Variants in GABPA observed in about 807,000 individuals in gnomAD.
The protein encoded by GABPA is GA binding protein transcription factor subunit alpha.
GABPA carries 4 observed loss-of-function variants against 59.4 expected under a neutral mutation model. The observed-to-expected ratio is 0.07, with a 90% CI of 0.03 to 0.15. The LOEUF (loss-of-function observed/expected upper bound fraction) is 0.15. GABPA is among the 10% of genes least tolerant of loss of function. The pLI, the probability that GABPA is intolerant of heterozygous loss-of-function variation, is 1.00. For synonymous variants in GABPA, 164 were observed against 183.1 expected, an observed-to-expected ratio of 0.90 and a Z score of 0.84; for missense variants, 251 against 543.8, an observed-to-expected ratio of 0.46 and a Z score of 5.36.
chr21:25,735,242 G>T lies in GABPA; in HGVS notation c.-363G>T. On this transcript the variant is annotated 5_prime_UTR_variant, in exon 1 of 10. Coordinates refer to ENST00000400075, the MANE Select transcript of GABPA (RefSeq NM_002040.4). ...CAGCGTCCTGTTCGTTAGGGTTATC[G>T]AAGTGTATAAAGGTGCAGGGAAAGT... is the stretch of plus-strand genomic sequence containing the variant. 1 of 568,950 alleles carries T rather than the reference G, an allele frequency of 1.8e-6. No homozygotes were observed. The highest frequency in any genetic ancestry group is 3.2e-6 in the Non-Finnish European group (1 of 315,546). The allele number at this position is 568,950 out of a possible 1,614,324, so 35.2% of individuals were successfully genotyped here. A position where few individuals can be genotyped will look rare whatever the true frequency, so the allele number is the denominator to read the frequency against.
rs952512745 is a variant in GABPA, at chr21:25,772,357, T to C, written c.*3125T>C. 5 of 152,138 alleles carry C rather than the reference T, an allele frequency of 3.3e-5. No homozygotes were observed. Among genetic ancestry groups the C allele is most frequent in the African/African-American group, 1.2e-4 (5 of 41,458 alleles). The allele number at this position is 152,138 out of a possible 1,614,324, so 9.4% of individuals were successfully genotyped here. On this transcript the variant is annotated 3_prime_UTR_variant, in exon 10 of 10. Transcript: ENST00000400075. ...ATTTCTTTGTGGTTTTAATTTTTTT[T>C]GTAATTTTACATAAAACAGTTATTT...
At chr21:25,763,631 T>TAC (rs2035818255) in intron 7 of GABPA, among the ~76,000 whole-genome samples, 1 of 152,226 alleles carries the variant, frequency 6.6e-6, no homozygotes, top group South Asian at 2.1e-4. Context: ...TGTAAAATAA[T>TAC]ACATTGTACA....
At chr21:25,742,552 A>G (rs1204196383) in intron 2 of GABPA, among the ~76,000 whole-genome samples, 1 of 152,192 alleles carries the variant, frequency 6.6e-6, no homozygotes, top group Non-Finnish European at 1.5e-5. Context: ...GAGGGAATGC[A>G]TGCTTCTGTG....
intron 3 of GABPA, among the ~76,000 whole-genome samples, chr21:25,748,176 G>T (rs1489865336): frequency 1.3e-5 from 2 of 152,202 alleles, no homozygotes; most frequent in East Asian, 3.8e-4. Flanking sequence ...AAAGTGCTGG[G>T]ATTACAAGTG....
intron 9 of GABPA, among the ~76,000 whole-genome samples, chr21:25,765,601 C>T (rs2035872856): frequency 6.6e-6 from 1 of 151,858 alleles, no homozygotes; most frequent in African/African-American, 2.4e-5. Flanking sequence ...ACATAGTTGG[C>T]TGTGATTATT....
chr21:25,745,399 CA>C, intron 3 of GABPA, 45 bp downstream of exon 3: 6 of 1,568,612 alleles, frequency 3.8e-6, no homozygotes, highest in Non-Finnish European at 5.2e-6. Context: ...TTTTAGTCTG[CA>C]TAGGAATATT....
chr21:25,746,515 A>G (rs768936819), intron 3 of GABPA, among the ~76,000 whole-genome samples: 2 of 152,176 alleles, frequency 1.3e-5, no homozygotes, highest in Admixed American at 6.5e-5. Flanking sequence ...ATATTGTTGT[A>G]CAATAAGTTG....
chr21:25,752,345 T>C, intron 5 of GABPA, 111 bp downstream of exon 5: 1 of 1,126,324 alleles, frequency 8.9e-7, no homozygotes. Context: ...TTAGGATGAA[T>C]GTTGATTTTC....
intron 1 of GABPA, among the ~76,000 whole-genome samples, chr21:25,738,116 C>G (rs1439018285): frequency 6.6e-6 from 1 of 152,134 alleles, no homozygotes; most frequent in Non-Finnish European, 1.5e-5. Context: ...ATACTTTTCT[C>G]CAGAATGTCT....
At chr21:25,756,623 T>A (rs933694088) in intron 5 of GABPA, among the ~76,000 whole-genome samples, 7 of 152,236 alleles carry the variant, frequency 4.6e-5, no homozygotes, top group Non-Finnish European at 1.0e-4. Context: ...CAGGTTTTCC[T>A]ATGATCAGAG....
intron 1 of GABPA, among the ~76,000 whole-genome samples, chr21:25,737,847 G>A (rs896304711): frequency 2.6e-5 from 4 of 152,136 alleles, no homozygotes; most frequent in East Asian, 1.9e-4. Context: ...TTTTTCTGTA[G>A]ACAACAGTTT....
rs376827021 is a variant in GABPA at position 25,742,289 on chromosome 21, AAGT to A, written c.77+621_77+623del. On this transcript the variant is annotated intron_variant, in intron 2 of 9. Transcript: ENST00000400075. ...TGGGAGTCAACAAGAAGACTGAGGA[AAGT>A]AGTAGTTAATGGTCCCTATTGTACT... is the stretch of plus-strand genomic sequence containing the variant. Among the ~76,000 whole-genome samples, 130 of 152,300 alleles carry A rather than the reference AAGT, an allele frequency of 8.5e-4. No homozygotes were observed. In the East Asian group the frequency reaches 0.021, roughly 25 times the overall value.
At chr21:25,764,505 G>T in intron 8 of GABPA, 90 bp from the exon 9 acceptor site, 1 of 1,459,838 alleles carries the variant, frequency 6.9e-7, no homozygotes, top group South Asian at 1.2e-5. Context: ...TGCCATGGCT[G>T]AGATTTAAAC....
chr21:25,764,237 A>C lies in GABPA; in HGVS notation c.830A>C (p.Gln277Pro). Residue 277 changes from glutamine to proline, a missense_variant, in exon 8 of 10, where the codon CAA becomes CCA. Physicochemically the swap from Gln to Pro is moderately conservative, Grantham distance 76. Coordinates refer to ENST00000400075, the MANE Select transcript of GABPA (RefSeq NM_002040.4). ...GTGCAAATTATTCCAGCATCAGTGCAATCTGCTACACCTACTACCATTAAA... is the reference window on the plus strand; with the variant it reads ...GTGCAAATTATTCCAGCATCAGTGCCATCTGCTACACCTACTACCATTAAA... ...QPVQIIPASV[Q>P]SATPTTIKVI... 2.5e-6 allele frequency: 4 copies of C among 1,608,208 alleles called. No homozygotes were observed. Among genetic ancestry groups the C allele is most frequent in the Non-Finnish European group, 2.5e-6 (3 of 1,177,910 alleles).
At chr21:25,768,758 T>G (rs1384913829) in intron 9 of GABPA, among the ~76,000 whole-genome samples, 1 of 152,144 alleles carries the variant, frequency 6.6e-6, no homozygotes, top group Non-Finnish European at 1.5e-5. Flanking sequence ...TTATTCTAAT[T>G]GTTGAAAATA....
intron 7 of GABPA, chr21:25,763,351 AAC>A (rs569356358): frequency 5.7e-4 from 148 of 257,506 alleles, no homozygotes; most frequent in Non-Finnish European, 9.3e-4. Context: ...CTGAGGTACG[AAC>A]ACACACGTCA....
At chr21:25,764,457 T>TAGAAA in intron 8 of GABPA, 107 bp downstream of exon 8, 1 of 1,414,636 alleles carries the variant, frequency 7.1e-7, no homozygotes, top group Non-Finnish European at 9.6e-7. Flanking sequence ...CCTCTGGCAG[T>TAGAAA]TTTTAGACAG....
chr21:25,741,939 ATTC>A (rs916935032), intron 2 of GABPA, among the ~76,000 whole-genome samples: 5 of 152,204 alleles, frequency 3.3e-5, no homozygotes, highest in Admixed American at 2.0e-4. Flanking sequence ...TTGATTCTTT[ATTC>A]TTTTCCTCAG....
intron 9 of GABPA, among the ~76,000 whole-genome samples, chr21:25,765,959 A>G (rs1042882340): frequency 1.3e-5 from 2 of 151,978 alleles, no homozygotes; most frequent in African/African-American, 4.8e-5. Context: ...ATGGGACTAT[A>G]AAGTACCATG....
Sources: allele counts gnomAD v4.1 joint callset (sites outside exome capture counted in the v4.1 genomes callset), GRCh38; gene constraint gnomAD v4.1.1; transcripts MANE v1.5; gene names NCBI Gene and HGNC (gene_info 2026-07-23, HGNC 2026-07-21).